Variants in IL4I1 observed in about 807,000 individuals in gnomAD.
IL4I1 encodes the protein interleukin 4 induced 1, also known as L-amino-acid oxidase.
In IL4I1, 24 loss-of-function variants were observed where a neutral mutation model predicts 29.7. The observed-to-expected ratio is 0.81, with a 90% CI of 0.59 to 1.14. IL4I1 has a LOEUF of 1.14. Among genes scored for constraint, IL4I1 ranks in the 50% most tolerant of loss-of-function variants. The pLI, the probability that IL4I1 is intolerant of heterozygous loss-of-function variation, is 0.00. For missense variants in IL4I1, 686 were observed against 785.6 expected (o/e 0.87, Z 1.52); for synonymous variants, 371 against 352.5 (o/e 1.05, Z -0.59).
In IL4I1 at chr19:49,908,448, T is replaced by C. The variant is rs781239867; in HGVS notation, c.-227-4127A>G. 6 of 1,614,034 alleles carry C rather than the reference T, an allele frequency of 3.7e-6. No homozygotes were observed. The African/African-American group carries it at 6.7e-5, about 18-fold the overall frequency. ...CCGGACGTGTTCAGGTGCTCGATGA[T>C]GTCCTTGAGATCCTGGGCCATGCGC... On this transcript the variant is annotated intron_variant, in intron 2 of 9. Transcript: ENST00000341114.
intron 4 of IL4I1, 87 bp downstream of exon 4, chr19:49,894,981 G>A: frequency 2.0e-6 from 2 of 981,298 alleles, no homozygotes; most frequent in Admixed American, 2.0e-5. Flanking sequence ...GGGAGTCAGA[G>A]TGGAAGTTCG....
chr19:49,920,302 G>A (rs2075734004), intron 2 of IL4I1, among the ~76,000 whole-genome samples: 1 of 152,180 alleles, frequency 6.6e-6, no homozygotes, highest in South Asian at 2.1e-4. Flanking sequence ...AGGATGGTAT[G>A]AATCTCTCGA....
chr19:49,909,257 G>A, intron 2 of IL4I1: 1 of 1,614,118 alleles, frequency 6.2e-7, no homozygotes, highest in South Asian at 1.1e-5. Context: ...CGTGGCAGGT[G>A]CCGTGGGCTG....
At chr19:49,895,694 C>A (rs1286935260) in intron 3 of IL4I1, 121 bp downstream of exon 3, 2 of 747,192 alleles carry the variant, frequency 2.7e-6, no homozygotes, top group Non-Finnish European at 4.4e-6. Flanking sequence ...GGAAAGATAG[C>A]CTCTCCCCCC....
upstream of IL4I1, among the ~76,000 whole-genome samples, chr19:49,898,592 G>A (rs965414665): frequency 6.6e-6 from 1 of 152,050 alleles, no homozygotes; most frequent in Non-Finnish European, 1.5e-5. Flanking sequence ...TTGAGGCCAG[G>A]CACAGTGGCT....
At chr19:49,917,238 G>A (rs1177697745) in intron 2 of IL4I1, among the ~76,000 whole-genome samples, 1 of 152,182 alleles carries the variant, frequency 6.6e-6, no homozygotes, top group Non-Finnish European at 1.5e-5. Context: ...AGGCTCAGAC[G>A]CCGTCCTCCA....
rs1304744738 is a variant in IL4I1, at chr19:49,921,501, C to T, written c.-228+6193G>A. ...ATGATCCGCCCGCCCCAGCTGCAGACGATGGCCTGAGACGCCTGCAGGGAA... is the reference window on the plus strand; with the variant it reads ...ATGATCCGCCCGCCCCAGCTGCAGATGATGGCCTGAGACGCCTGCAGGGAA... On this transcript the variant is annotated intron_variant, in intron 2 of 9. Transcript: ENST00000341114. The surrounding 1 kb of genome is among the most constrained non-coding windows in gnomAD (Gnocchi z 5.4). Among the ~76,000 whole-genome samples, 2 of 152,060 alleles carry T rather than the reference C, an allele frequency of 1.3e-5. No homozygotes were observed. Among genetic ancestry groups the T allele is most frequent in the African/African-American group, 4.8e-5 (2 of 41,430 alleles).
At chr19:49,902,134 C>T (rs1012796864) in intron 3 of IL4I1, among the ~76,000 whole-genome samples, 5 of 151,776 alleles carry the variant, frequency 3.3e-5, no homozygotes, top group East Asian at 3.9e-4. Flanking sequence ...CGAGGAGCTG[C>T]GATTACAGGT....
Position 49,910,614 on chromosome 19 carries a change from G to C in IL4I1, c.-227-6293C>G, listed in dbSNP as rs3889700. ...AGGCAGCTGCCTCCTTCACCTGTAG[G>C]TGTGGTGTGGAGGATTGCACCTGGG... On this transcript the variant is annotated intron_variant, in intron 2 of 9. Coordinates refer to the IL4I1 transcript ENST00000341114. Among the ~76,000 whole-genome samples, 1,077 of 152,044 alleles carry C rather than the reference G, an allele frequency of 7.1e-3. 38 individuals carry two copies. The East Asian group carries it at 0.11, about 15-fold the overall frequency.
rs2075759260 is a variant in IL4I1, at chr19:49,921,271, G to T, written c.-228+6423C>A. 6.6e-6 allele frequency among the ~76,000 whole-genome samples: 1 copy of T among 152,134 alleles called. No individual in the cohort carries two copies. The highest frequency in any genetic ancestry group is 2.4e-5 in the African/African-American group (1 of 41,412). The stretch of plus-strand genomic sequence containing the variant: ...CTGCGTAAAGTCCCACAACCAGTAA[G>T]GGCTGGCCCAGGTGTCTGGCCCCAC... On this transcript the variant is annotated intron_variant, in intron 2 of 9. Transcript: ENST00000341114. This position sits in a 1 kb window ranked among gnomAD's most constrained non-coding sequence, Gnocchi z 5.4.
At chr19:49,891,349 G>T in intron 6 of IL4I1, 56 bp downstream of exon 6, 2 of 1,568,170 alleles carry the variant, frequency 1.3e-6, no homozygotes, top group South Asian at 2.2e-5. Flanking sequence ...TCTGGGGAAG[G>T]CCTCATGGTC....
intron 2 of IL4I1, among the ~76,000 whole-genome samples, chr19:49,910,104 T>C (rs1020967799): frequency 4.7e-4 from 71 of 152,018 alleles, no homozygotes; most frequent in African/African-American, 1.5e-3. Context: ...TGCGTGGCCA[T>C]GTTCAGCCCA....
chr19:49,911,773 C>T (rs957718788), intron 2 of IL4I1, among the ~76,000 whole-genome samples: 2 of 152,210 alleles, frequency 1.3e-5, no homozygotes, highest in African/African-American at 2.4e-5. Flanking sequence ...CCAGTCTCTC[C>T]GGGGCTGGGA....
chr19:49,908,186 G>T, intron 2 of IL4I1: 1 of 1,598,274 alleles, frequency 6.3e-7, no homozygotes, highest in South Asian at 1.1e-5. Context: ...ACAACAGGGC[G>T]CATTCCCCTC....
chr19:49,890,539 C>G lies in IL4I1; in HGVS notation c.835G>C (p.Gly279Arg). The G allele has an allele frequency of 2.5e-6, 4 of 1,604,322 alleles. No homozygotes were observed. The highest frequency in any genetic ancestry group is 3.4e-6 in the Non-Finnish European group (4 of 1,177,126). Residue 279 changes from glycine to arginine, a missense_variant, in exon 8 of 8, where the codon GGG becomes CGG. Coordinates refer to ENST00000391826, the MANE Select transcript of IL4I1 (RefSeq NM_152899.2). ...ACGGGCGCGTTCAACAGCACAAGCC[C>G]GGACAGCGAGCTCAGCAGCGCGCGC... ...LPRALLSSLS[G>R]LVLLNAPVVA...
chr19:49,912,499 G>A (rs780703992), intron 2 of IL4I1, among the ~76,000 whole-genome samples: 3 of 152,012 alleles, frequency 2.0e-5, no homozygotes, highest in Non-Finnish European at 2.9e-5. Context: ...GTGCCACATT[G>A]GTTTCCAATA....
At position 49,894,210 on chromosome 19, in the gene IL4I1, C is replaced by A. The variant is rs559863344; in HGVS notation, c.567+58G>T. 4.6e-6 allele frequency: 7 copies of A among 1,528,156 alleles called. No individual in the cohort carries two copies. In the Admixed American group the frequency reaches 9.4e-5, roughly 20 times the overall value. 94.7% of individuals were successfully genotyped at this position (1,528,156 alleles called of 1,614,324 possible). On this transcript the variant is annotated intron_variant, in intron 5 of 7. Transcript: ENST00000391826. ...AGAGAGAAGAAAAGCCGGGCCGGGG[C>A]GAGCTTAGGAGGAGGACAGAGAAGT...
rs11547264 is a variant in IL4I1 at position 49,908,818 on chromosome 19, G to A, written c.-227-4497C>T. On this transcript the variant is annotated intron_variant, in intron 2 of 9. Transcript: ENST00000341114. ...TGTTGATCAGGCTCTCCAGCTGCGC[G>A]TAGGTCATGGCGGAGCTGGCAGCCG... The A allele has an allele frequency of 1.2e-5, 19 of 1,613,432 alleles. No homozygotes were observed. The highest frequency in any genetic ancestry group is 1.7e-5 in the Admixed American group (1 of 60,030).
intron 2 of IL4I1, among the ~76,000 whole-genome samples, chr19:49,924,632 GA>G (rs2075841539): frequency 6.6e-6 from 1 of 152,226 alleles, no homozygotes; most frequent in South Asian, 2.1e-4. Flanking sequence ...CATGAGTCCT[GA>G]AGGGGCCACA....
Sources: gnomAD v4.1 joint callset for allele counts (sites outside exome capture counted in the v4.1 genomes callset) on GRCh38, gnomAD v4.1.1 for gene constraint, Gnocchi (gnomAD v3.1) non-coding constraint, MANE v1.5 for transcripts, NCBI Gene and HGNC (gene_info 2026-07-23, HGNC 2026-07-21) for gene names.